Variants in LMTK2 observed in about 807,000 individuals in gnomAD.
LMTK2 encodes the protein serine/threonine-protein kinase LMTK2.
Under a neutral mutation model 127.5 loss-of-function variants are expected in LMTK2, and 37 were observed. The ratio of observed to expected loss-of-function variants is 0.29; its 90% CI spans 0.22 to 0.38. The LOEUF is 0.38. Among genes scored for constraint, LMTK2 ranks in the 10% least tolerant of loss-of-function variants. LMTK2 has a pLI of 1.00. For missense variants in LMTK2, 1,694 were observed against 1,920.3 expected, an observed-to-expected ratio of 0.88 and a Z score of 2.20; for synonymous variants, 819 against 810.1, an observed-to-expected ratio of 1.01 and a Z score of -0.19.
intron 7 of LMTK2, among the ~76,000 whole-genome samples, chr7:98,173,852 C>T (rs192161532): frequency 6.6e-6 from 1 of 152,180 alleles, no homozygotes; most frequent in East Asian, 1.9e-4. Flanking sequence ...GTCAGGAGAT[C>T]GAGACTGTCC....
intron 11 of LMTK2, among the ~76,000 whole-genome samples, chr7:98,195,180 G>A (rs1463276754): frequency 6.6e-6 from 1 of 152,200 alleles, no homozygotes; most frequent in Non-Finnish European, 1.5e-5. Flanking sequence ...ACTGCGCTTG[G>A]CCTCCAATTT....
At chr7:98,183,902 TAGC>T (rs1228901148) in intron 7 of LMTK2, among the ~76,000 whole-genome samples, 22 of 152,210 alleles carry the variant, frequency 1.4e-4, no homozygotes. Context: ...ATCCACCTGT[TAGC>T]AGTGGTGAAT....
chr7:98,136,114 A>G (rs555620245), intron 1 of LMTK2, among the ~76,000 whole-genome samples: 260 of 152,312 alleles, frequency 1.7e-3, no homozygotes, highest in Non-Finnish European at 3.0e-3. Context: ...AGGATGGGGC[A>G]TGCCAAAAAG....
intron 1 of LMTK2, among the ~76,000 whole-genome samples, chr7:98,112,952 G>C (rs1212982938): frequency 6.6e-6 from 1 of 152,130 alleles, no homozygotes; most frequent in Non-Finnish European, 1.5e-5. Context: ...AAACTCCCAG[G>C]CTCAAGCAAT....
chr7:98,186,772 T>G, intron 8 of LMTK2, 105 bp from the exon 9 acceptor site: 1 of 1,018,558 alleles, frequency 9.8e-7, no homozygotes, highest in Non-Finnish European at 1.4e-6. Context: ...CTGACCTGGT[T>G]TTTGGATTGG....
chr7:98,107,941 C>G (rs117183762), intron 1 of LMTK2, among the ~76,000 whole-genome samples: 1,854 of 152,208 alleles, frequency 0.012, 17 homozygotes, highest in Admixed American at 0.02. Flanking sequence ...TTTCTCCCCC[C>G]CCGCCCATTT....
intron 5 of LMTK2, among the ~76,000 whole-genome samples, chr7:98,157,229 A>G (rs1227744872): frequency 6.6e-6 from 1 of 150,986 alleles, no homozygotes; most frequent in African/African-American, 2.4e-5. Context: ...TCTAGCTTGG[A>G]TGACAGAGTG....
chr7:98,159,518 C>A, intron 6 of LMTK2, 93 bp downstream of exon 6: 1 of 813,426 alleles, frequency 1.2e-6, no homozygotes. Context: ...GGGTTGCTTT[C>A]ATGTCTGTCC....
At chr7:98,138,164 A>G (rs1271021646) in intron 2 of LMTK2, among the ~76,000 whole-genome samples, 1 of 152,158 alleles carries the variant, frequency 6.6e-6, no homozygotes, top group Non-Finnish European at 1.5e-5. Flanking sequence ...TTATAAAGGA[A>G]TACATGGGGG....
At chr7:98,201,996 G>C (rs533632784) in intron 11 of LMTK2, among the ~76,000 whole-genome samples, 1 of 152,272 alleles carries the variant, frequency 6.6e-6, no homozygotes, top group East Asian at 1.9e-4. Context: ...AAGTTTTCAG[G>C]CATTCTTTTC....
intron 7 of LMTK2, among the ~76,000 whole-genome samples, chr7:98,180,940 GGAGA>G (rs1422722109): frequency 6.6e-6 from 1 of 151,840 alleles, no homozygotes. Context: ...GCAGACTGAG[GGAGA>G]GAGAGAGAGA....
chr7:98,203,787 T>G, intron 12 of LMTK2, 81 bp downstream of exon 12: 4 of 1,589,704 alleles, frequency 2.5e-6, no homozygotes, highest in Non-Finnish European at 3.4e-6. Flanking sequence ...ACTTCCCATG[T>G]TGCTTTAATG....
At chr7:98,200,727 C>T (rs1797693264) in intron 11 of LMTK2, among the ~76,000 whole-genome samples, 1 of 152,134 alleles carries the variant, frequency 6.6e-6, no homozygotes, top group South Asian at 2.1e-4. Flanking sequence ...CACACATCCT[C>T]CTGCAGACTT....
At chr7:98,170,774 A>G (rs1266703442) in intron 6 of LMTK2, among the ~76,000 whole-genome samples, 1 of 152,158 alleles carries the variant, frequency 6.6e-6, no homozygotes, top group African/African-American at 2.4e-5. Flanking sequence ...TCCCAAAAAC[A>G]TAGTATCCTA....
At chr7:98,190,419 T>G (rs1230963145) in intron 9 of LMTK2, among the ~76,000 whole-genome samples, 1 of 152,132 alleles carries the variant, frequency 6.6e-6, no homozygotes, top group Admixed American at 6.5e-5. Context: ...CTATCTCTAC[T>G]AAAATTATAA....
At chr7:98,165,743 G>A (rs1466676073) in intron 6 of LMTK2, among the ~76,000 whole-genome samples, 1 of 152,142 alleles carries the variant, frequency 6.6e-6, no homozygotes, top group Non-Finnish European at 1.5e-5. Flanking sequence ...ATGCACCAGG[G>A]CACCTCAGTT....
chr7:98,118,676 C>G (rs1202860632), intron 1 of LMTK2, among the ~76,000 whole-genome samples: 1 of 152,140 alleles, frequency 6.6e-6, no homozygotes, highest in Non-Finnish European at 1.5e-5. Context: ...TCTGCCCTAG[C>G]CTTTGTTGTA....
chr7:98,153,560 T>C (rs894647044), intron 4 of LMTK2, among the ~76,000 whole-genome samples: 8 of 152,160 alleles, frequency 5.3e-5, no homozygotes. Flanking sequence ...GACAACCCTC[T>C]TGAAGAGTTT....
rs199600469 is a variant in LMTK2 at position 98,194,408 on chromosome 7, G to C, written c.3943G>C (p.Glu1315Gln). Residue 1315 changes from glutamate to glutamine, a missense_variant, in exon 11 of 14, where the codon GAG (glutamate) becomes CAG (glutamine). Glu to Gln is a conservative substitution (Grantham distance 29, BLOSUM62 2). Transcript: ENST00000297293. This position sits in a 1 kb window ranked among gnomAD's most constrained non-coding sequence, Gnocchi z 5.4. Reference sequence around the variant, plus strand: ...CAGCTCCGAGTCGGAGGACGAGACCGAGCACCCCGTGCCCATCATCCTCAG... The same window carrying C: ...CAGCTCCGAGTCGGAGGACGAGACCCAGCACCCCGTGCCCATCATCCTCAG... Reference protein sequence around the residue: ...SLSSESEDETEHPVPIILSNE... With the variant: ...SLSSESEDETQHPVPIILSNE... 6.9e-5 allele frequency: 111 copies of C among 1,614,128 alleles called. No homozygotes were observed. Among genetic ancestry groups the C allele is most frequent in the Non-Finnish European group, 9.2e-5 (109 of 1,180,038 alleles).
Sources: gnomAD v4.1 joint callset for allele counts (sites outside exome capture counted in the v4.1 genomes callset) on GRCh38, gnomAD v4.1.1 for gene constraint, Gnocchi (gnomAD v3.1) non-coding constraint, MANE v1.5 for transcripts, NCBI Gene and HGNC (gene_info 2026-07-23, HGNC 2026-07-21) for gene names.